SFXN1: variants seen among roughly 807,000 people sequenced by gnomAD.
SFXN1 encodes sideroflexin 1.
SFXN1 carries 32 observed loss-of-function variants against 39.5 expected under a neutral mutation model. That is an observed-to-expected ratio of 0.81 (90% confidence interval 0.61 to 1.09). SFXN1 has a LOEUF of 1.09. Among genes scored for constraint, SFXN1 ranks in the 50% least tolerant of loss-of-function variants. The pLI, the probability that SFXN1 is intolerant of heterozygous loss-of-function variation, is 0.00. For synonymous variants in SFXN1, 136 were observed against 146.5 expected, an observed-to-expected ratio of 0.93 and a Z score of 0.52; for missense variants, 402 against 407.1, an observed-to-expected ratio of 0.99 and a Z score of 0.11.
intron 7 of SFXN1, among the ~76,000 whole-genome samples, chr5:175,514,546 C>T (rs1275611034): frequency 6.6e-6 from 1 of 152,164 alleles, no homozygotes. Context: ...AAACTGAATG[C>T]AAACAGCGCT....
intron 2 of SFXN1, among the ~76,000 whole-genome samples, chr5:175,505,566 A>ATAATAATAATAATAG (rs1366629857): frequency 6.7e-6 from 1 of 149,032 alleles, no homozygotes; most frequent in Non-Finnish European, 1.5e-5. Flanking sequence ...AATAATAATA[A>ATAATAATAATAATAG]TAATAATTCT....
intron 1 of SFXN1, among the ~76,000 whole-genome samples, chr5:175,481,706 C>A (rs924393959): frequency 6.6e-6 from 1 of 152,202 alleles, no homozygotes; most frequent in African/African-American, 2.4e-5. Context: ...TTCTCCATGT[C>A]TTCCTGATGC....
At chr5:175,480,665 A>C (rs1332992029) in intron 1 of SFXN1, among the ~76,000 whole-genome samples, 2 of 152,264 alleles carry the variant, frequency 1.3e-5, no homozygotes, top group African/African-American at 4.8e-5. Flanking sequence ...ACCAACTGGC[A>C]GGGAATATCC....
rs548656069 is a variant in SFXN1 at position 175,501,269 on chromosome 5, T to C, written c.165-7763T>C. Among the ~76,000 whole-genome samples the C allele has an allele frequency of 2.8e-4, 43 of 152,078 alleles. No homozygotes were observed. In the South Asian group the frequency reaches 3.5e-3, roughly 12 times the overall value. On this transcript the variant is annotated intron_variant, in intron 2 of 10. Coordinates refer to ENST00000321442, the MANE Select transcript of SFXN1 (RefSeq NM_022754.7). ...ATTTTTAATAGAGACAGGGTTTCAC[T>C]GTGTTAGCCAGGATGGTCTCGATCT...
Position 175,529,580 on chromosome 5 carries a change from A to G in SFXN1, c.*2846A>G, listed in dbSNP as rs1397197329. On this transcript the variant is annotated 3_prime_UTR_variant, in exon 11 of 11. Coordinates refer to ENST00000321442, the MANE Select transcript of SFXN1 (RefSeq NM_022754.7). ...AATAAGCTTATAAAGCTAAGTAGTT[A>G]TTAATATTTCTATTAACATGATACA... 6.6e-6 allele frequency: 1 copy of G among 152,252 alleles called. No individual in the cohort carries two copies. Among genetic ancestry groups the G allele is most frequent in the Non-Finnish European group, 1.5e-5 (1 of 68,044 alleles). The allele number at this position is 152,252 out of a possible 1,614,324, so 9.4% of individuals were successfully genotyped here. A position where few individuals can be genotyped will look rare whatever the true frequency, so the allele number is the denominator to read the frequency against.
At chr5:175,506,083 G>A (rs1209603347) in intron 2 of SFXN1, among the ~76,000 whole-genome samples, 1 of 152,182 alleles carries the variant, frequency 6.6e-6, no homozygotes, top group African/African-American at 2.4e-5. Flanking sequence ...CTCCCAAAGT[G>A]CTGGGATTAC....
chr5:175,525,044 G>A (rs1761017311), intron 10 of SFXN1, among the ~76,000 whole-genome samples: 1 of 152,264 alleles, frequency 6.6e-6, no homozygotes. Flanking sequence ...AGTTTTACAG[G>A]TAAGTTTCTC....
rs376193297 is a variant in SFXN1 at position 175,520,058 on chromosome 5, C to T, written c.775-1861C>T. On this transcript the variant is annotated intron_variant, in intron 8 of 10. Coordinates refer to ENST00000321442, the MANE Select transcript of SFXN1 (RefSeq NM_022754.7). ...CTAATTTTTGTATTTTTAGTAGAGA[C>T]GGGATTTCACCATGTTAGCCAGGAT... 7.9e-5 allele frequency among the ~76,000 whole-genome samples: 12 copies of T among 151,472 alleles called. No homozygotes were observed. In the East Asian group the frequency reaches 1.4e-3, roughly 17 times the overall value.
chr5:175,503,316 C>G (rs568455846), intron 2 of SFXN1, among the ~76,000 whole-genome samples: 1 of 152,062 alleles, frequency 6.6e-6, no homozygotes, highest in South Asian at 2.1e-4. Context: ...AACCCTGATA[C>G]AATAAATGAT....
At chr5:175,513,937 G>A (rs1202325632) in intron 7 of SFXN1, among the ~76,000 whole-genome samples, 1 of 151,948 alleles carries the variant, frequency 6.6e-6, no homozygotes, top group African/African-American at 2.4e-5. Flanking sequence ...TGCAGCTGGG[G>A]CACAGTGGGA....
chr5:175,498,097 AAATT>A (rs751037104), intron 2 of SFXN1, among the ~76,000 whole-genome samples: 6 of 151,374 alleles, frequency 4.0e-5, no homozygotes, highest in South Asian at 2.1e-4. Flanking sequence ...ATTAATGAGA[AAATT>A]AATTATTAAT....
intron 1 of SFXN1, among the ~76,000 whole-genome samples, chr5:175,484,856 C>G (rs1759392093): frequency 6.6e-6 from 1 of 152,236 alleles, no homozygotes; most frequent in African/African-American, 2.4e-5. Flanking sequence ...CCACCACGCT[C>G]AGTGCTGTTG....
rs559805076 is a variant in SFXN1 at position 175,519,033 on chromosome 5, AC to A, written c.774+2371del. On this transcript the variant is annotated intron_variant, in intron 8 of 10. Transcript: ENST00000321442. The stretch of plus-strand genomic sequence containing the variant: ...GTCCAGAATACATAAAGGACCCTCA[AC>A]ACTTAAGCTGGGCAAAAGGTTTGAA... Among the ~76,000 whole-genome samples, 226 of 152,364 alleles carry A rather than the reference AC, an allele frequency of 1.5e-3. 1 individual carries two copies. Among genetic ancestry groups the A allele is most frequent in the African/African-American group, 5.2e-3 (216 of 41,582 alleles).
In SFXN1 at chr5:175,507,114, A is replaced by C. The variant is rs1760335978; in HGVS notation, c.165-1918A>C. On this transcript the variant is annotated intron_variant, in intron 2 of 10. Coordinates refer to ENST00000321442, the MANE Select transcript of SFXN1 (RefSeq NM_022754.7). ...TTCCAAGGTTCTAGAGGCTCTAGGA[A>C]TGTTTTGATGCACCTTGGCTTATGG... 2.6e-5 allele frequency among the ~76,000 whole-genome samples: 4 copies of C among 152,086 alleles called. No individual in the cohort carries two copies. The South Asian group carries it at 8.3e-4, about 32-fold the overall frequency.
At chr5:175,486,555 A>G (rs969612425) in intron 1 of SFXN1, among the ~76,000 whole-genome samples, 2 of 152,166 alleles carry the variant, frequency 1.3e-5, no homozygotes, top group African/African-American at 4.8e-5. Context: ...TGAGCCCGGG[A>G]GTTCGAGACC....
At chr5:175,500,453 C>CAA (rs947391965) in intron 2 of SFXN1, among the ~76,000 whole-genome samples, 1 of 126,832 alleles carries the variant, frequency 7.9e-6, no homozygotes, top group Non-Finnish European at 1.6e-5. Flanking sequence ...CACACACACA[C>CAA]AAATTACAGA....
chr5:175,507,524 T>TG (rs1760350477), intron 2 of SFXN1, among the ~76,000 whole-genome samples: 1 of 152,232 alleles, frequency 6.6e-6, no homozygotes, highest in Non-Finnish European at 1.5e-5. Flanking sequence ...AATACATGCA[T>TG]GAAAACATTA....
At chr5:175,503,678 A>G (rs1161419655) in intron 2 of SFXN1, among the ~76,000 whole-genome samples, 1 of 152,202 alleles carries the variant, frequency 6.6e-6, no homozygotes, top group Admixed American at 6.5e-5. Flanking sequence ...ATGGAACACT[A>G]GAGCTGAACT....
At chr5:175,500,757 G>C (rs1760045520) in intron 2 of SFXN1, among the ~76,000 whole-genome samples, 1 of 152,182 alleles carries the variant, frequency 6.6e-6, no homozygotes, top group African/African-American at 2.4e-5. Context: ...CGACAGTTTA[G>C]CATTGTTGTA....
Sources: allele counts gnomAD v4.1 joint callset (sites outside exome capture counted in the v4.1 genomes callset), GRCh38; gene constraint gnomAD v4.1.1; transcripts MANE v1.5; gene names NCBI Gene and HGNC (gene_info 2026-07-23, HGNC 2026-07-21).